STON2: variants seen among roughly 807,000 people sequenced by gnomAD.
STON2 encodes the protein stonin-2.
Under a neutral mutation model 65.7 loss-of-function variants are expected in STON2, and 29 were observed. That is an observed-to-expected ratio of 0.44 (90% confidence interval 0.33 to 0.60). The LOEUF is 0.60. STON2 is among the 20% of genes least tolerant of loss of function. The pLI is 0.03. For missense variants in STON2, 1,054 were observed against 1,118.1 expected (o/e 0.94, Z 0.82); for synonymous variants, 404 against 414.2 (o/e 0.98, Z 0.30).
chr14:81,340,046 C>T lies in STON2; in HGVS notation c.572-15859G>A, dbSNP rs543778266. On this transcript the variant is annotated intron_variant, in intron 4 of 7. Coordinates refer to ENST00000614646, the MANE Select transcript of STON2 (RefSeq NM_001394390.1). ...GCGGGCGCCTGTAGTCCTAGCTACTCGGGAGGCTGAGGCAGGAGAATGGCA... is the reference window on the plus strand; with the variant it reads ...GCGGGCGCCTGTAGTCCTAGCTACTTGGGAGGCTGAGGCAGGAGAATGGCA... Among the ~76,000 whole-genome samples the T allele has an allele frequency of 2.6e-4, 40 of 152,158 alleles. 1 individual carries two copies. The South Asian group carries it at 5.8e-3, about 22-fold the overall frequency.
Position 81,277,988 on chromosome 14 carries a change from CATG to C in STON2, c.1491_1493del (p.Ile497del), listed in dbSNP as rs747940416. Reference sequence around the variant, plus strand: ...AGATCGGTCCCCAGTGCCTGGAGGACATGATGTTTTTCTTCTCAGGGATCCTCA... The same window carrying C: ...AGATCGGTCCCCAGTGCCTGGAGGACATGTTTTTCTTCTCAGGGATCCTCA... On this transcript the variant is annotated inframe_deletion, in exon 6 of 8. Transcript: ENST00000614646. 1.9e-6 allele frequency: 3 copies of C among 1,614,144 alleles called. No individual in the cohort carries two copies. The East Asian group carries it at 6.7e-5, about 36-fold the overall frequency.
At chr14:81,352,598 A>G (rs1299925883) in intron 4 of STON2, among the ~76,000 whole-genome samples, 1 of 152,216 alleles carries the variant, frequency 6.6e-6, no homozygotes, top group Non-Finnish European at 1.5e-5. Context: ...ACAGAGCTGC[A>G]TAACGTTGAC....
chr14:81,324,583 C>T (rs184301134), intron 4 of STON2, among the ~76,000 whole-genome samples: 1 of 152,332 alleles, frequency 6.6e-6, no homozygotes, highest in African/African-American at 2.4e-5. Context: ...GAGCCTGGAG[C>T]AAGCAAACCT....
chr14:81,333,754 G>C (rs1266833764), intron 4 of STON2, among the ~76,000 whole-genome samples: 1 of 152,128 alleles, frequency 6.6e-6, no homozygotes, highest in East Asian at 1.9e-4. Context: ...ATATTCCACT[G>C]TATTAAGCTA....
chr14:81,290,232 T>C (rs1294634389), intron 5 of STON2, among the ~76,000 whole-genome samples: 1 of 152,238 alleles, frequency 6.6e-6, no homozygotes, highest in Non-Finnish European at 1.5e-5. Flanking sequence ...TAGGCAAACA[T>C]ACTTTAAGCA....
chr14:81,312,225 G>A (rs1369372876), intron 5 of STON2, among the ~76,000 whole-genome samples: 1 of 152,178 alleles, frequency 6.6e-6, no homozygotes, highest in Non-Finnish European at 1.5e-5. Context: ...GACCAGGCAA[G>A]CATAAAAAGG....
intron 5 of STON2, among the ~76,000 whole-genome samples, chr14:81,297,349 A>G (rs1327625225): frequency 1.3e-5 from 2 of 152,324 alleles, no homozygotes; most frequent in South Asian, 4.1e-4. Context: ...GGCCAAAGTT[A>G]CAAAGCTAGT....
At chr14:81,416,769 AAAACCATATC>A (rs1398253703) in intron 2 of STON2, among the ~76,000 whole-genome samples, 1 of 152,210 alleles carries the variant, frequency 6.6e-6, no homozygotes, top group Non-Finnish European at 1.5e-5. Context: ...GGACCATAGG[AAAACCATATC>A]GAAGGGAGTC....
chr14:81,313,295 A>G (rs1176697539), intron 5 of STON2, among the ~76,000 whole-genome samples: 1 of 152,218 alleles, frequency 6.6e-6, no homozygotes, highest in Non-Finnish European at 1.5e-5. Flanking sequence ...AAAAACAGAG[A>G]AAGTAAATCT....
chr14:81,293,672 T>C (rs1006013499), intron 5 of STON2, among the ~76,000 whole-genome samples: 1 of 152,204 alleles, frequency 6.6e-6, no homozygotes, highest in African/African-American at 2.4e-5. Flanking sequence ...GCTTGTGCAC[T>C]GGGGCTTGCC....
intron 5 of STON2, among the ~76,000 whole-genome samples, chr14:81,309,119 G>A (rs187320150): frequency 2.0e-5 from 3 of 150,626 alleles, no homozygotes; most frequent in Admixed American, 6.6e-5. Context: ...TTTGACCCAT[G>A]AGCCTCAGTA....
At chr14:81,388,134 G>C (rs1899910379) in intron 3 of STON2, among the ~76,000 whole-genome samples, 1 of 151,152 alleles carries the variant, frequency 6.6e-6, no homozygotes, top group South Asian at 2.1e-4. Flanking sequence ...ATTTTTAGTA[G>C]AGATGGCGTT....
At chr14:81,383,480 A>C (rs1899634834) in intron 3 of STON2, among the ~76,000 whole-genome samples, 1 of 152,168 alleles carries the variant, frequency 6.6e-6, no homozygotes, top group Non-Finnish European at 1.5e-5. Context: ...TCCAAAACTA[A>C]GCTCCTGTTA....
In STON2 at chr14:81,277,496, C is replaced by T. The variant is rs750073920; in HGVS notation, c.1986G>A (p.Leu662=). ...VLTRIHILSF[L]SGLAECRLGL... is the part of the protein sequence containing the mutation. ...CCAGGCGGCACTCTGCGAGCCCAGA[C>T]AGGAAACTCAGGATGTGGATCCGTG... The change falls in exon 6 of 8, where the codon CTG becomes CTA. Residue 662 remains leucine, a synonymous_variant. Coordinates refer to ENST00000614646, the MANE Select transcript of STON2 (RefSeq NM_001394390.1). 70 of 1,614,050 alleles carry T rather than the reference C, an allele frequency of 4.3e-5. No homozygotes were observed. The highest frequency in any genetic ancestry group is 5.5e-5 in the Non-Finnish European group (65 of 1,180,030).
chr14:81,269,346 TA>T (rs1894481486), intron 7 of STON2: 1 of 985,272 alleles, frequency 1.0e-6, no homozygotes, highest in African/African-American at 1.7e-5. Flanking sequence ...TCCGAACTGA[TA>T]AATACTGGAA....
intron 3 of STON2, among the ~76,000 whole-genome samples, chr14:81,393,291 T>C (rs571622191): frequency 6.6e-6 from 1 of 152,330 alleles, no homozygotes; most frequent in East Asian, 1.9e-4. Flanking sequence ...ATCCATGACC[T>C]GAAGGCACGG....
chr14:81,399,347 AT>A (rs141085975), intron 1 of STON2, among the ~76,000 whole-genome samples: 4,151 of 152,352 alleles, frequency 0.027, 202 homozygotes, highest in African/African-American at 0.094. Flanking sequence ...AATTAATAAA[AT>A]CTGAATTTAT....
At chr14:81,292,934 C>T (rs561838851) in intron 5 of STON2, among the ~76,000 whole-genome samples, 1 of 152,278 alleles carries the variant, frequency 6.6e-6, no homozygotes, top group Admixed American at 6.5e-5. Flanking sequence ...TCTCTGCATC[C>T]CTCCGCACTG....
chr14:81,393,438 G>GGCAAACGGAAGGAGAGCACA, intron 3 of STON2, among the ~76,000 whole-genome samples: 1 of 152,118 alleles, frequency 6.6e-6, no homozygotes, highest in East Asian at 1.9e-4. Flanking sequence ...GGAAGAGTGA[G>GGCAAACGGAAGGAGAGCACA]GCAAACGGAA....
Sources: gnomAD v4.1 joint callset for allele counts (sites outside exome capture counted in the v4.1 genomes callset) on GRCh38, gnomAD v4.1.1 for gene constraint, MANE v1.5 for transcripts, NCBI Gene and HGNC (gene_info 2026-07-23, HGNC 2026-07-21) for gene names.